The following EXOC6 variants were observed in gnomAD, a reference collection of about 807,000 sequenced individuals.
EXOC6 encodes the protein SEC15-like 1.
Under a neutral mutation model 112.5 loss-of-function variants are expected in EXOC6, and 60 were observed. That is an observed-to-expected ratio of 0.53 (90% confidence interval 0.43 to 0.66). The LOEUF is 0.66. Among genes scored for constraint, EXOC6 ranks in the 30% least tolerant of loss-of-function variants. The pLI is 0.00. For synonymous variants in EXOC6, 295 were observed against 308.0 expected (o/e 0.96, Z 0.44); for missense variants, 855 against 957.1 (o/e 0.89, Z 1.41).
chr10:92,992,482 A>G (rs1460082255), intron 18 of EXOC6, among the ~76,000 whole-genome samples: 3 of 152,100 alleles, frequency 2.0e-5, no homozygotes, highest in African/African-American at 7.2e-5. Flanking sequence ...AGGTACAGAA[A>G]TTCTTGTGCA....
intron 1 of EXOC6, among the ~76,000 whole-genome samples, chr10:92,871,778 A>T (rs1244970070): frequency 6.6e-6 from 1 of 151,926 alleles, no homozygotes; most frequent in Non-Finnish European, 1.5e-5. Context: ...ACTGTACTCC[A>T]GCCTGGGTGA....
At chr10:93,006,861 T>A in intron 19 of EXOC6, among the ~76,000 whole-genome samples, 1 of 152,252 alleles carries the variant, frequency 6.6e-6, no homozygotes, top group East Asian at 1.9e-4. Flanking sequence ...TTCCATTTTA[T>A]ATGCACCTGT....
chr10:92,948,191 T>A, intron 13 of EXOC6, 83 bp from the exon 14 acceptor site: 5 of 806,322 alleles, frequency 6.2e-6, no homozygotes, highest in South Asian at 1.9e-5. Flanking sequence ...TTTGTAATAG[T>A]TGGGGTTTTT....
chr10:92,978,798 G>C (rs778803564), intron 18 of EXOC6, among the ~76,000 whole-genome samples: 1 of 152,118 alleles, frequency 6.6e-6, no homozygotes, highest in South Asian at 2.1e-4. Flanking sequence ...AGCTTCAGAC[G>C]AAGCTTATCA....
intron 17 of EXOC6, among the ~76,000 whole-genome samples, chr10:92,970,490 A>G (rs758883295): frequency 2.6e-5 from 4 of 152,178 alleles, no homozygotes; most frequent in African/African-American, 7.2e-5. Flanking sequence ...CCCGGAACCA[A>G]TCTCTTACCA....
At chr10:93,057,570 T>C (rs1013350762) in intron 21 of EXOC6, among the ~76,000 whole-genome samples, 1 of 152,224 alleles carries the variant, frequency 6.6e-6, no homozygotes, top group Non-Finnish European at 1.5e-5. Context: ...CCTCTCATTA[T>C]GTGACAGACT....
At chr10:93,038,801 C>T (rs901529810) in intron 20 of EXOC6, among the ~76,000 whole-genome samples, 1 of 152,154 alleles carries the variant, frequency 6.6e-6, no homozygotes, top group Non-Finnish European at 1.5e-5. Context: ...AGAGCTATTA[C>T]CTCTACCCTT....
At chr10:92,912,146 G>A (rs996340428) in intron 6 of EXOC6, among the ~76,000 whole-genome samples, 3 of 151,364 alleles carry the variant, frequency 2.0e-5, no homozygotes, top group African/African-American at 7.3e-5. Context: ...CCGTGATCTC[G>A]TATCCCTTTT....
At chr10:93,001,110 A>G (rs1221192605) in intron 19 of EXOC6, among the ~76,000 whole-genome samples, 2 of 152,176 alleles carry the variant, frequency 1.3e-5, no homozygotes, top group Non-Finnish European at 2.9e-5. Flanking sequence ...AAGAAGAAAA[A>G]TCTGGCTAGG....
chr10:93,049,203 G>A (rs1196508525), intron 20 of EXOC6, among the ~76,000 whole-genome samples: 2 of 151,972 alleles, frequency 1.3e-5, no homozygotes, highest in Admixed American at 1.3e-4. Flanking sequence ...GACTACAGGT[G>A]CCTGCCACCA....
chr10:92,948,489 A>C, intron 14 of EXOC6, 110 bp downstream of exon 14: 2 of 641,036 alleles, frequency 3.1e-6, no homozygotes, highest in Non-Finnish European at 5.1e-6. Flanking sequence ...TGGTTTCTTG[A>C]GGGGCAACTT....
At chr10:92,891,886 A>G (rs1326525940) in intron 1 of EXOC6, among the ~76,000 whole-genome samples, 2 of 152,218 alleles carry the variant, frequency 1.3e-5, no homozygotes, top group East Asian at 3.8e-4. Context: ...CAAGAAGTTT[A>G]TGGTCTATTT....
chr10:92,914,190 C>A (rs1041246500), intron 6 of EXOC6, among the ~76,000 whole-genome samples: 2 of 152,176 alleles, frequency 1.3e-5, no homozygotes, highest in East Asian at 3.9e-4. Flanking sequence ...AGCGCAAACT[C>A]TATTGTGAAC....
At chr10:92,855,057 G>A (rs939438669) in intron 1 of EXOC6, among the ~76,000 whole-genome samples, 6 of 151,998 alleles carry the variant, frequency 3.9e-5, no homozygotes, top group Non-Finnish European at 8.8e-5. Flanking sequence ...ATTTTATTGA[G>A]AATTTCTACA....
chr10:92,877,319 A>C (rs1848725574), intron 1 of EXOC6, among the ~76,000 whole-genome samples: 1 of 151,994 alleles, frequency 6.6e-6, no homozygotes, highest in African/African-American at 2.4e-5. Context: ...AATATCCTTC[A>C]GCATTCCTTA....
intron 9 of EXOC6, among the ~76,000 whole-genome samples, chr10:92,929,848 C>T (rs1851930630): frequency 1.3e-5 from 2 of 152,104 alleles, no homozygotes; most frequent in South Asian, 4.1e-4. Context: ...ACAGAGAAGT[C>T]TAACATATAT....
At position 93,057,166 on chromosome 10, in the gene EXOC6, T is replaced by C. The variant is rs557397811; in HGVS notation, c.2282+130T>C. On this transcript the variant is annotated intron_variant, in intron 21 of 21. Coordinates refer to ENST00000260762, the MANE Select transcript of EXOC6 (RefSeq NM_019053.6). ...AGCTTAAAAGCTCACTCTAGTTTAA[T>C]GACCAAAAAATAAGCTTTTCTTTCT... 10 of 503,516 alleles carry C rather than the reference T, an allele frequency of 2.0e-5. 1 individual carries two copies. The South Asian group carries it at 4.0e-4, about 20-fold the overall frequency. The allele number at this position is 503,516 out of a possible 1,614,324, so 31.2% of individuals were successfully genotyped here.
Position 92,928,421 on chromosome 10 carries a change from TG to T in EXOC6, c.972+1del. On this transcript the variant is annotated frameshift_variant and splice_region_variant, in exon 9 of 22. Coordinates refer to ENST00000260762, the MANE Select transcript of EXOC6 (RefSeq NM_019053.6). LOFTEE classifies it high-confidence loss of function. The stretch of plus-strand genomic sequence containing the variant: ...CTGGTATTGCAACCCCAGTCGAATA[TG>T]GTAAGTATGCGATATTTTGAATTGG... ...ARLVLQPQSN[M>X]HETVDGYRRY... The T allele has an allele frequency of 6.3e-7, 1 of 1,588,102 alleles. No homozygotes were observed. The highest frequency in any genetic ancestry group is 8.6e-7 in the Non-Finnish European group (1 of 1,158,684).
chr10:92,930,964 T>C (rs942665070), intron 9 of EXOC6, among the ~76,000 whole-genome samples: 1 of 151,716 alleles, frequency 6.6e-6, no homozygotes, highest in Non-Finnish European at 1.5e-5. Flanking sequence ...ATACAAAAAT[T>C]AGCTGGGAGT....
Sources: gnomAD v4.1 joint callset for allele counts (sites outside exome capture counted in the v4.1 genomes callset) on GRCh38, gnomAD v4.1.1 for gene constraint, MANE v1.5 for transcripts, NCBI Gene and HGNC (gene_info 2026-07-23, HGNC 2026-07-21) for gene names.